The following POU2F3 variants were observed in gnomAD, a reference collection of about 807,000 sequenced individuals.
POU2F3 encodes the protein POU class 2 homeobox 3, also known as POU domain, class 2, transcription factor 3.
In POU2F3, 23 loss-of-function variants were observed where a neutral mutation model predicts 59.2. The ratio of observed to expected loss-of-function variants is 0.39; its 90% CI spans 0.28 to 0.55. The LOEUF (loss-of-function observed/expected upper bound fraction) is 0.55, where lower values mean the gene tolerates loss of function less well. Ranked by LOEUF, POU2F3 falls within the 20% of genes least tolerant of loss-of-function variation. POU2F3 has a pLI of 0.66. For missense variants in POU2F3, 473 were observed against 544.5 expected, an observed-to-expected ratio of 0.87 and a Z score of 1.31; for synonymous variants, 190 against 214.6, an observed-to-expected ratio of 0.89 and a Z score of 1.00.
At position 120,317,200 on chromosome 11, in the gene POU2F3, C is replaced by T; in HGVS notation, c.1136-29C>T. On this transcript the variant is annotated intron_variant, in intron 11 of 12. Transcript: ENST00000543440. Reference sequence around the variant, plus strand: ...CCCGGGATCCAGCAGCATTATTTCCCCCTTGTTTTTGCCTCTCCTTATCCT... The same window carrying T: ...CCCGGGATCCAGCAGCATTATTTCCTCCTTGTTTTTGCCTCTCCTTATCCT... 1.9e-6 allele frequency: 3 copies of T among 1,612,958 alleles called. No individual in the cohort carries two copies. In the South Asian group the frequency reaches 3.3e-5, roughly 18 times the overall value.
At chr11:120,279,441 C>G (rs1411707470) in intron 3 of POU2F3, among the ~76,000 whole-genome samples, 1 of 152,190 alleles carries the variant, frequency 6.6e-6, no homozygotes, top group East Asian at 1.9e-4. Context: ...AAGAACCCAT[C>G]ATTTTCTCCA....
At chr11:120,315,556 G>A in intron 11 of POU2F3, 129 bp downstream of exon 11, 1 of 844,576 alleles carries the variant, frequency 1.2e-6, no homozygotes, top group Non-Finnish European at 1.8e-6. Context: ...AATCTGTGTT[G>A]GGAAAAAAGG....
Position 120,319,928 on chromosome 11 carries a change from T to G in POU2F3, c.*1536T>G, listed in dbSNP as rs1565395662. ...CTCACTGTTCCTAAATAAATGTGTA[T>G]AGTGATTATGAAAAGTATCCCACTG... On this transcript the variant is annotated 3_prime_UTR_variant, in exon 13 of 13. Transcript: ENST00000543440. 1.3e-5 allele frequency: 2 copies of G among 152,594 alleles called. No individual in the cohort carries two copies. Among genetic ancestry groups the G allele is most frequent in the African/African-American group, 4.8e-5 (2 of 41,422 alleles). 9.5% of individuals were successfully genotyped at this position (152,594 alleles called of 1,614,324 possible). A position where few individuals can be genotyped will look rare whatever the true frequency, so the allele number is the denominator to read the frequency against.
intron 11 of POU2F3, among the ~76,000 whole-genome samples, chr11:120,316,163 C>T (rs990317003): frequency 2.0e-5 from 3 of 152,188 alleles, no homozygotes; most frequent in Admixed American, 6.5e-5. Flanking sequence ...CGTGAGCCAC[C>T]GCACTCAGCC....
rs1237467983 is a variant in POU2F3, at chr11:120,305,660, C to T, written c.644C>T (p.Ala215Val). The T allele has an allele frequency of 5.0e-6, 8 of 1,613,674 alleles. No individual in the cohort carries two copies. The highest frequency in any genetic ancestry group is 2.2e-5 in the East Asian group (1 of 44,888). ...LGFTQGDVGL[A>V]MGKLYGNDFS... ...CACGCTTAGGGAGATGTGGGGCTGG[C>T]GATGGGAAAGCTGTATGGCAACGAC... The change falls in exon 8 of 13, where the codon GCG (alanine) becomes GTG (valine). Residue 215 changes from alanine to valine, a missense_variant. Ala to Val is a moderately conservative substitution (Grantham distance 64, BLOSUM62 0). Coordinates refer to ENST00000543440, the MANE Select transcript of POU2F3 (RefSeq NM_014352.4).
intron 2 of POU2F3, among the ~76,000 whole-genome samples, chr11:120,248,752 G>C (rs1454583603): frequency 6.6e-6 from 1 of 152,178 alleles, no homozygotes; most frequent in African/African-American, 2.4e-5. Flanking sequence ...AGAAGAAAGA[G>C]GTGGCTAATT....
At chr11:120,260,480 T>C (rs1033239389) in intron 2 of POU2F3, among the ~76,000 whole-genome samples, 1 of 152,236 alleles carries the variant, frequency 6.6e-6, no homozygotes, top group African/African-American at 2.4e-5. Context: ...CCTTGGACTT[T>C]CCTCTGCAGC....
intron 6 of POU2F3, chr11:120,302,649 C>G (rs1451901524): frequency 2.6e-6 from 1 of 389,934 alleles, no homozygotes; most frequent in African/African-American, 2.0e-5. Flanking sequence ...TGCACAGGCC[C>G]CAGCATTGCT....
Position 120,318,574 on chromosome 11 carries a change from C to T in POU2F3, c.*182C>T. 1.6e-6 allele frequency: 1 copy of T among 623,762 alleles called. No individual in the cohort carries two copies. Among genetic ancestry groups the T allele is most frequent in the Non-Finnish European group, 2.8e-6 (1 of 355,920 alleles). 38.6% of individuals were successfully genotyped at this position (623,762 alleles called of 1,614,324 possible). A position where few individuals can be genotyped will look rare whatever the true frequency, so the allele number is the denominator to read the frequency against. On this transcript the variant is annotated 3_prime_UTR_variant, in exon 13 of 13. Coordinates refer to ENST00000543440, the MANE Select transcript of POU2F3 (RefSeq NM_014352.4). Reference sequence around the variant, plus strand: ...TCCGGAGATCCAAACTGTGATTGAACCAAGTGCAGACTCCTAATGCTCTTG... The same window carrying T: ...TCCGGAGATCCAAACTGTGATTGAATCAAGTGCAGACTCCTAATGCTCTTG...
intron 3 of POU2F3, among the ~76,000 whole-genome samples, chr11:120,289,028 T>C (rs1488168404): frequency 3.3e-5 from 5 of 152,200 alleles, no homozygotes; most frequent in African/African-American, 1.2e-4. Flanking sequence ...CTAACTTTCA[T>C]CTTAATCTTC....
rs374278692 is a variant in POU2F3, at chr11:120,269,241, G to A, written c.129G>A (p.Arg43=). 7 of 1,587,266 alleles carry A rather than the reference G, an allele frequency of 4.4e-6. No homozygotes were observed. The African/African-American group carries it at 9.4e-5, about 21-fold the overall frequency. Residue 43 remains arginine (R), a synonymous_variant, in exon 3 of 13, where the codon AGG becomes AGA. Coordinates refer to ENST00000543440, the MANE Select transcript of POU2F3 (RefSeq NM_014352.4). The stretch of plus-strand genomic sequence containing the variant: ...ATCGAAATGGCCTAGATTTCAACAG[G>A]CAGGTAAGAACTTGGGTCAGAAAGA... ...GNDRNGLDFN[R]QIKTEDLSDS... is the part of the protein sequence containing the mutation.
At chr11:120,260,461 C>T (rs1939546596) in intron 2 of POU2F3, among the ~76,000 whole-genome samples, 1 of 152,228 alleles carries the variant, frequency 6.6e-6, no homozygotes, top group Non-Finnish European at 1.5e-5. Context: ...GCACCTCCTC[C>T]ATTAGGATCC....
rs143326441 is a variant in POU2F3, at chr11:120,311,494, A to G, written c.1068+1908A>G. Reference sequence around the variant, plus strand: ...GATGGGGGCAGGGAGAGAGATGAAGAAAAGGGAATCCTCTGCGATGACTCT... The same window carrying G: ...GATGGGGGCAGGGAGAGAGATGAAGGAAAGGGAATCCTCTGCGATGACTCT... On this transcript the variant is annotated intron_variant, in intron 10 of 12. Transcript: ENST00000543440. Among the ~76,000 whole-genome samples the G allele has an allele frequency of 3.9e-5, 6 of 152,284 alleles. No homozygotes were observed. The East Asian group carries it at 1.2e-3, about 29-fold the overall frequency.
At chr11:120,255,786 A>G (rs970283479) in intron 2 of POU2F3, among the ~76,000 whole-genome samples, 1 of 152,058 alleles carries the variant, frequency 6.6e-6, no homozygotes, top group African/African-American at 2.4e-5. Context: ...CCTGGGCTCC[A>G]TTTAGCCCCT....
At chr11:120,312,523 A>G (rs562120338) in intron 10 of POU2F3, among the ~76,000 whole-genome samples, 11 of 152,352 alleles carry the variant, frequency 7.2e-5, no homozygotes, top group South Asian at 6.2e-4. Flanking sequence ...AGAGGGGCTG[A>G]TGAGTGTGGG....
intron 2 of POU2F3, among the ~76,000 whole-genome samples, chr11:120,258,093 C>T (rs539441896): frequency 9.2e-5 from 14 of 152,238 alleles, no homozygotes; most frequent in Non-Finnish European, 1.9e-4. Flanking sequence ...AGCTTTCTCA[C>T]TCCACACGCG....
At chr11:120,283,023 T>A (rs1340603921) in intron 3 of POU2F3, among the ~76,000 whole-genome samples, 1 of 152,180 alleles carries the variant, frequency 6.6e-6, no homozygotes, top group East Asian at 1.9e-4. Flanking sequence ...CTCCTAGCTC[T>A]GGGCTGGGAC....
intron 1 of POU2F3, among the ~76,000 whole-genome samples, chr11:120,246,053 T>G (rs541449035): frequency 6.6e-6 from 1 of 152,308 alleles, no homozygotes; most frequent in African/African-American, 2.4e-5. Flanking sequence ...GGGATAATTC[T>G]TTCACTATTT....
At chr11:120,316,460 GC>G (rs1265633850) in intron 11 of POU2F3, among the ~76,000 whole-genome samples, 1 of 152,116 alleles carries the variant, frequency 6.6e-6, no homozygotes, top group African/African-American at 2.4e-5. Context: ...ACAGCGTCTT[GC>G]TCTGTTGCCC....
Sources: allele counts gnomAD v4.1 joint callset (sites outside exome capture counted in the v4.1 genomes callset), GRCh38; gene constraint gnomAD v4.1.1; transcripts MANE v1.5; gene names NCBI Gene and HGNC (gene_info 2026-07-23, HGNC 2026-07-21).